Variants in PUS7L observed in about 807,000 individuals in gnomAD.
PUS7L encodes the protein pseudouridine synthase 7 like, also known as pseudouridylate synthase PUS7L.
In PUS7L, 49 loss-of-function variants were observed where a neutral mutation model predicts 51.1. That is an observed-to-expected ratio of 0.96 (90% CI 0.76 to 1.22). The LOEUF is 1.22. PUS7L is among the 50% of genes most tolerant of loss of function. The pLI, the probability that PUS7L is intolerant of heterozygous loss-of-function variation, is 0.00. For synonymous variants in PUS7L, 277 were observed against 276.2 expected (o/e 1.00, Z -0.03); for missense variants, 828 against 820.6 (o/e 1.01, Z -0.11).
intron 7 of PUS7L, among the ~76,000 whole-genome samples, chr12:43,734,184 C>G (rs1021056647): frequency 1.3e-5 from 2 of 152,158 alleles, no homozygotes; most frequent in Non-Finnish European, 2.9e-5. Flanking sequence ...CCAGGCCATT[C>G]CTAGCCACTG....
intron 4 of PUS7L, among the ~76,000 whole-genome samples, chr12:43,744,819 G>T (rs114460123): frequency 0.049 from 7,533 of 152,220 alleles, 216 homozygotes; most frequent in Middle Eastern, 0.13. Flanking sequence ...CTAAAGTACA[G>T]TCACCTAAGA....
chr12:43,756,581 T>C (rs942197164), intron 1 of PUS7L, among the ~76,000 whole-genome samples: 8 of 152,236 alleles, frequency 5.3e-5, no homozygotes, highest in Admixed American at 2.0e-4. Flanking sequence ...ATGATTTTTA[T>C]GATCATCTAT....
intron 3 of PUS7L, among the ~76,000 whole-genome samples, chr12:43,747,657 C>T (rs763334907): frequency 3.3e-5 from 5 of 151,912 alleles, no homozygotes; most frequent in Non-Finnish European, 5.9e-5. Flanking sequence ...TTGCGTGTTG[C>T]ACTCCAGCCT....
rs1316723949 is a variant in PUS7L, at chr12:43,719,314, T to C, written c.*11062A>G. On this transcript the variant is annotated 3_prime_UTR_variant, in exon 9 of 9. Transcript: ENST00000344862. ...AAATCAGACAAAACTGTGTATTTTT[T>C]AGGAATGAATACATGGGTGGTAAAG... The C allele has an allele frequency of 6.6e-6, 1 of 152,188 alleles. No homozygotes were observed. The highest frequency in any genetic ancestry group is 1.5e-5 in the Non-Finnish European group (1 of 68,042). 9.4% of individuals were successfully genotyped at this position (152,188 alleles called of 1,614,324 possible).
intron 8 of PUS7L, among the ~76,000 whole-genome samples, 184 bp downstream of exon 8, chr12:43,731,521 T>C (rs532593950): frequency 2.6e-4 from 39 of 152,284 alleles, no homozygotes; most frequent in African/African-American, 9.1e-4. Context: ...GTCCTACATT[T>C]ATCAAAAATA....
In PUS7L at chr12:43,746,067, C is replaced by T. The variant is rs771413148; in HGVS notation, c.1242G>A (p.Met414Ile). The T allele has an allele frequency of 6.7e-7, 1 of 1,503,010 alleles. No homozygotes were observed. Among genetic ancestry groups the T allele is most frequent in the Non-Finnish European group, 9.1e-7 (1 of 1,093,138 alleles). 93.1% of individuals were successfully genotyped at this position (1,503,010 alleles called of 1,614,324 possible). A position where few individuals can be genotyped will look rare whatever the true frequency, so the allele number is the denominator to read the frequency against. The change falls in exon 4 of 9, where the codon ATG (methionine) becomes ATA (isoleucine). Residue 414 changes from methionine to isoleucine, a missense_variant. Transcript: ENST00000344862. ...TTACCTTAACATTTTCTATTGCTTCCATAATTCTCTCCCTCAGGTTTGCAG... is the reference window on the plus strand; with the variant it reads ...TTACCTTAACATTTTCTATTGCTTCTATAATTCTCTCCCTCAGGTTTGCAG... ...NDSANLRERIMEAIENVKKKG... is the reference protein window; with the variant it reads ...NDSANLRERIIEAIENVKKKG...
chr12:43,729,405 C>T lies in PUS7L; in HGVS notation c.*971G>A, dbSNP rs1177388528. On this transcript the variant is annotated 3_prime_UTR_variant, in exon 9 of 9. Transcript: ENST00000344862. ...CCAACAATGAAAGAAATGCTCAGATCTTCCTAAATCAATACATGTCTACAT... is the reference window on the plus strand; with the variant it reads ...CCAACAATGAAAGAAATGCTCAGATTTTCCTAAATCAATACATGTCTACAT... 1.0e-5 allele frequency: 4 copies of T among 381,136 alleles called. No individual in the cohort carries two copies. The Admixed American group carries it at 1.8e-4, about 17-fold the overall frequency. 23.6% of individuals were successfully genotyped at this position (381,136 alleles called of 1,614,324 possible).
intron 3 of PUS7L, among the ~76,000 whole-genome samples, chr12:43,747,515 G>A (rs544682052): frequency 6.6e-6 from 1 of 151,924 alleles, no homozygotes; most frequent in South Asian, 2.1e-4. Flanking sequence ...CCAACATGGT[G>A]AAACCCCATC....
chr12:43,743,405 T>A (rs1459547306), intron 4 of PUS7L, among the ~76,000 whole-genome samples: 1 of 152,246 alleles, frequency 6.6e-6, no homozygotes, highest in African/African-American at 2.4e-5. Flanking sequence ...TAATAAAAGA[T>A]GCGGAGCCAA....
rs1179481826 is a variant in PUS7L, at chr12:43,728,184, A to C, written c.*2192T>G. 4 of 152,196 alleles carry C rather than the reference A, an allele frequency of 2.6e-5. No homozygotes were observed. Among genetic ancestry groups the C allele is most frequent in the African/African-American group, 9.7e-5 (4 of 41,444 alleles). 9.4% of individuals were successfully genotyped at this position (152,196 alleles called of 1,614,324 possible). On this transcript the variant is annotated 3_prime_UTR_variant, in exon 9 of 9. Coordinates refer to ENST00000344862, the MANE Select transcript of PUS7L (RefSeq NM_031292.5). ...CTATTAATAATAAAAGTCCTTAAAC[A>C]AAAAAAGTTTAACATGGCATCTTAT...
At position 43,727,648 on chromosome 12, in the gene PUS7L, C is replaced by T. The variant is rs1944472785; in HGVS notation, c.*2728G>A. The T allele has an allele frequency of 6.6e-6, 1 of 152,050 alleles. No individual in the cohort carries two copies. Among genetic ancestry groups the T allele is most frequent in the Non-Finnish European group, 1.5e-5 (1 of 68,002 alleles). The allele number at this position is 152,050 out of a possible 1,614,324, so 9.4% of individuals were successfully genotyped here. ...GCTGAACTTTGAGTACACTTGGACT[C>T]TAAGAAGGGAACAATAGGCACCATG... On this transcript the variant is annotated 3_prime_UTR_variant, in exon 9 of 9. Transcript: ENST00000344862.
chr12:43,745,731 C>G (rs978411592), intron 4 of PUS7L, among the ~76,000 whole-genome samples: 4 of 150,448 alleles, frequency 2.7e-5, no homozygotes, highest in Non-Finnish European at 5.9e-5. Context: ...TGACTAAATA[C>G]TACTCTATAT....
In PUS7L at chr12:43,738,358, C is replaced by T. The variant is rs1309383210; in HGVS notation, c.1396G>A (p.Asp466Asn). 1.1e-5 allele frequency: 17 copies of T among 1,596,368 alleles called. 1 individual carries two copies. Among genetic ancestry groups the T allele is most frequent in the Non-Finnish European group, 1.5e-5 (17 of 1,165,196 alleles). ...KAIKLFLTPE[D>N]LDDPVNRAKK... Reference sequence around the variant, plus strand: ...GCTCTATTTACAGGATCATCCAAGTCTTCTGGTGTAAGAAACAATTTTATG... The same window carrying T: ...GCTCTATTTACAGGATCATCCAAGTTTTCTGGTGTAAGAAACAATTTTATG... Residue 466 changes from aspartate (D) to asparagine (N), a missense_variant, in exon 6 of 9, where the codon GAC (aspartate) becomes AAC (asparagine). Physicochemically the swap from Asp to Asn is conservative, Grantham distance 23. Coordinates refer to ENST00000344862, the MANE Select transcript of PUS7L (RefSeq NM_031292.5).
rs1341399880 is a variant in PUS7L, at chr12:43,736,551, A to G, written c.1555T>C (p.Trp519Arg). ...CGCATGGAATGGGGTAAAGAGAACC[A>G]TGCCTGGATACAACCTTCCTCGGTC... Reference protein sequence around the residue: ...GMTEEGCIQAWFSLPHSMRIF... With the variant: ...GMTEEGCIQARFSLPHSMRIF... Residue 519 changes from tryptophan (W) to arginine (R), a missense_variant, in exon 7 of 9, where the codon TGG (tryptophan) becomes CGG (arginine). Transcript: ENST00000344862. The G allele has an allele frequency of 1.9e-6, 3 of 1,613,942 alleles. No homozygotes were observed. In the Admixed American group the frequency reaches 5.0e-5, roughly 27 times the overall value.
In PUS7L at chr12:43,755,036, T is replaced by G. The variant is rs1454794653; in HGVS notation, c.210A>C (p.Lys70Asn). 6.2e-7 allele frequency: 1 copy of G among 1,612,984 alleles called. No homozygotes were observed. Among genetic ancestry groups the G allele is most frequent in the South Asian group, 1.1e-5 (1 of 90,940 alleles). Residue 70 changes from lysine (K) to asparagine (N), a missense_variant, in exon 2 of 9, where the codon AAA (lysine) becomes AAC (asparagine). Physicochemically the swap from Lys to Asn is moderately conservative, Grantham distance 94. Coordinates refer to ENST00000344862, the MANE Select transcript of PUS7L (RefSeq NM_031292.5). ...IQLEPNNFPK[K>N]PKLDLQNLSL... ...ACAGATTTTGAAGATCTAGTTTTGG[T>G]TTTTTGGGAAAATTATTTGGCTCAA... is the stretch of plus-strand genomic sequence containing the variant.
Position 43,729,086 on chromosome 12 carries a change from C to T in PUS7L, c.*1290G>A, listed in dbSNP as rs1944494929. ...TAGGGGGCAACATTTTCTCATGAAACTAAATTGTTCATTGCTTTTTTAAAT... is the reference window on the plus strand; with the variant it reads ...TAGGGGGCAACATTTTCTCATGAAATTAAATTGTTCATTGCTTTTTTAAAT... On this transcript the variant is annotated 3_prime_UTR_variant, in exon 9 of 9. Transcript: ENST00000344862. 5 of 391,634 alleles carry T rather than the reference C, an allele frequency of 1.3e-5. No individual in the cohort carries two copies. In the South Asian group the frequency reaches 5.6e-4, roughly 44 times the overall value. The allele number at this position is 391,634 out of a possible 1,614,324, so 24.3% of individuals were successfully genotyped here. A position where few individuals can be genotyped will look rare whatever the true frequency, so the allele number is the denominator to read the frequency against.
chr12:43,742,377 G>T lies in PUS7L; in HGVS notation c.1362+80C>A. On this transcript the variant is annotated intron_variant, in intron 5 of 8. Coordinates refer to ENST00000344862, the MANE Select transcript of PUS7L (RefSeq NM_031292.5). ...TGTTTACATGCATTTATATGCTAGA[G>T]TTAAGAAAGCAAGGAGCTGGGTTAT... 2.1e-6 allele frequency: 2 copies of T among 952,804 alleles called. 1 individual carries two copies. Among genetic ancestry groups the T allele is most frequent in the South Asian group, 2.9e-5 (2 of 69,122 alleles). The allele number at this position is 952,804 out of a possible 1,614,324, so 59.0% of individuals were successfully genotyped here.
chr12:43,744,871 A>C (rs993114992), intron 4 of PUS7L, among the ~76,000 whole-genome samples: 1 of 152,148 alleles, frequency 6.6e-6, no homozygotes, highest in African/African-American at 2.4e-5. Context: ...CTGCATCCCC[A>C]AATGTTCTTT....
rs1592183969 is a variant in PUS7L at position 43,754,363 on chromosome 12, A to G, written c.883T>C (p.Cys295Arg). The G allele has an allele frequency of 1.9e-6, 3 of 1,597,798 alleles. No individual in the cohort carries two copies. In the East Asian group the frequency reaches 6.7e-5, roughly 36 times the overall value. ...GTATATATAACTTTTCCTTCTTGGC[A>G]TTCAGAAAGAGGCCTTTTCCCACGT... ...HKRGKRPLSE[C>R]QEGKVIYTAF... The change falls in exon 2 of 9, where the codon TGC (cysteine) becomes CGC (arginine). Residue 295 changes from cysteine (C) to arginine (R), a missense_variant. Coordinates refer to ENST00000344862, the MANE Select transcript of PUS7L (RefSeq NM_031292.5).
Sources: gnomAD v4.1 joint callset for allele counts (sites outside exome capture counted in the v4.1 genomes callset) on GRCh38, gnomAD v4.1.1 for gene constraint, MANE v1.5 for transcripts, NCBI Gene and HGNC (gene_info 2026-07-23, HGNC 2026-07-21) for gene names.